Variants in CD68 observed in about 807,000 individuals in gnomAD.
The protein encoded by CD68 is macrosialin.
In CD68, 24 loss-of-function variants were observed where a neutral mutation model predicts 31.3. The ratio of observed to expected loss-of-function variants is 0.77; its 90% CI spans 0.55 to 1.08. The LOEUF is 1.08. Ranked by LOEUF, CD68 falls within the 50% of genes least tolerant of loss-of-function variation. The probability of loss-of-function intolerance (pLI) is 0.00; values close to 1 mark genes in which losing one functional copy is unlikely to be tolerated. For synonymous variants in CD68, 190 were observed against 179.6 expected, an observed-to-expected ratio of 1.06 and a Z score of -0.46; for missense variants, 461 against 442.5, an observed-to-expected ratio of 1.04 and a Z score of -0.38.
At chr17:7,579,756 G>GC in intron 1 of CD68, 30 bp downstream of exon 1, 1 of 1,601,634 alleles carries the variant, frequency 6.2e-7, no homozygotes, top group South Asian at 1.1e-5. Flanking sequence ...AGGGGAGGGG[G>GC]CCCCTGGGAG....
In CD68 at chr17:7,579,906, C is replaced by G. The variant is rs770479505; in HGVS notation, c.146C>G (p.Thr49Ser). 1.3e-5 allele frequency: 21 copies of G among 1,613,970 alleles called. No individual in the cohort carries two copies. Among genetic ancestry groups the G allele is most frequent in the Non-Finnish European group, 1.7e-5 (20 of 1,180,026 alleles). Residue 49 changes from threonine to serine, a missense_variant, in exon 2 of 6, where the codon ACC becomes AGC. By Grantham distance (58) the Thr-to-Ser change is moderately conservative (BLOSUM62 1). Transcript: ENST00000250092. ...TPTVTESTGT[T>S]SHRTTKSHKT... ...ACGGTTACAGAGAGCACTGGAACAA[C>G]CAGCCACAGGACTACCAAGAGCCAC...
In CD68 at chr17:7,580,700, T is replaced by C. The variant is rs1262291298; in HGVS notation, c.688-11T>C. The C allele has an allele frequency of 3.1e-6, 5 of 1,613,872 alleles. No homozygotes were observed. The African/African-American group carries it at 4.0e-5, about 13-fold the overall frequency. ...AGGGATACCACCTGCGCCTTCCTCTTCGCCCCACAGGACCTCCAGCAGAAG... is the reference window on the plus strand; with the variant it reads ...AGGGATACCACCTGCGCCTTCCTCTCCGCCCCACAGGACCTCCAGCAGAAG... On this transcript the variant is annotated splice_polypyrimidine_tract_variant and intron_variant, in intron 3 of 5. Transcript: ENST00000250092. This position sits in a 1 kb window ranked among gnomAD's most constrained non-coding sequence, Gnocchi z 4.3.
At position 7,581,499 on chromosome 17, in the gene CD68, C is replaced by G; in HGVS notation, c.1053C>G (p.Tyr351Ter). The G allele has an allele frequency of 6.2e-7, 1 of 1,614,222 alleles. No homozygotes were observed. Among genetic ancestry groups the G allele is most frequent in the African/African-American group, 1.3e-5 (1 of 75,062 alleles). ...TCATCCGGAGACGCCCATCCGCCTA[C>G]CAGGCCCTCTGAGCATTTGCTTCAA... Reference protein sequence around the residue: ...FCIIRRRPSAYQAL With the variant: ...FCIIRRRPSA The change falls in exon 6 of 6, where the codon TAC (tyrosine) becomes TAG (stop). Residue 351 changes from tyrosine (Y) to a stop codon, truncating the protein, a stop_gained. Transcript: ENST00000250092. LOFTEE classifies it high-confidence loss of function.
At position 7,580,228 on chromosome 17, in the gene CD68, C is replaced by T. The variant is rs375073767; in HGVS notation, c.468C>T (p.Thr156=). The T allele has an allele frequency of 2.5e-6, 4 of 1,613,894 alleles. No homozygotes were observed. Among genetic ancestry groups the T allele is most frequent in the East Asian group, 2.2e-5 (1 of 44,892 alleles). The change falls in exon 2 of 6, where the codon ACC becomes ACT. Residue 156 remains threonine, a synonymous_variant. Coordinates refer to ENST00000250092, the MANE Select transcript of CD68 (RefSeq NM_001251.3). The surrounding 1 kb of genome is among the most constrained non-coding windows in gnomAD (Gnocchi z 4.3). ...SPSPSPTSKE[T]IGDYTWTNGS... Reference sequence around the variant, plus strand: ...GTCCTAGCCCAACCTCCAAGGAGACCATTGGAGACTACACGTGGACCAATG... The same window carrying T: ...GTCCTAGCCCAACCTCCAAGGAGACTATTGGAGACTACACGTGGACCAATG...
rs749975503 is a variant in CD68, at chr17:7,580,985, C to T, written c.850C>T (p.Leu284Phe). 2 of 1,614,052 alleles carry T rather than the reference C, an allele frequency of 1.2e-6. No homozygotes were observed. The highest frequency in any genetic ancestry group is 1.7e-6 in the Non-Finnish European group (2 of 1,179,960). ...CAGTTGCAGCAACTCGAGCATCATT[C>T]TTTCACCAGCTGTCCACCTCGACCT... ...SFSCSNSSII[L>F]SPAVHLDLLS... The change falls in exon 5 of 6, where the codon CTT becomes TTT. Residue 284 changes from leucine to phenylalanine, a missense_variant. Coordinates refer to ENST00000250092, the MANE Select transcript of CD68 (RefSeq NM_001251.3). The surrounding 1 kb of genome is among the most constrained non-coding windows in gnomAD (Gnocchi z 4.3).
Position 7,580,351 on chromosome 17 carries a change from G to A in CD68, c.567+24G>A. The A allele has an allele frequency of 3.7e-6, 6 of 1,608,336 alleles. No individual in the cohort carries two copies. Among genetic ancestry groups the A allele is most frequent in the South Asian group, 3.3e-5 (3 of 90,774 alleles). On this transcript the variant is annotated intron_variant, in intron 2 of 5. Coordinates refer to ENST00000250092, the MANE Select transcript of CD68 (RefSeq NM_001251.3). The surrounding 1 kb of genome is among the most constrained non-coding windows in gnomAD (Gnocchi z 4.3). ...AGGTAAAGCTAAAACTGGGGGATGA[G>A]AGGGGAGGGAGGCAGGACTGGATAT...
chr17:7,580,978 C>T lies in CD68; in HGVS notation c.843C>T (p.Ser281=). The change falls in exon 5 of 6, where the codon AGC becomes AGT. Residue 281 remains serine (S), a synonymous_variant. Coordinates refer to ENST00000250092, the MANE Select transcript of CD68 (RefSeq NM_001251.3). This position sits in a 1 kb window ranked among gnomAD's most constrained non-coding sequence, Gnocchi z 4.3. The part of the protein sequence containing the change: ...LGQSFSCSNS[S]IILSPAVHLD... ...AGAGCTTCAGTTGCAGCAACTCGAG[C>T]ATCATTCTTTCACCAGCTGTCCACC... The T allele has an allele frequency of 1.2e-6, 2 of 1,614,030 alleles. No homozygotes were observed. The highest frequency in any genetic ancestry group is 8.5e-7 in the Non-Finnish European group (1 of 1,179,960).
At position 7,579,796 on chromosome 17, in the gene CD68, C is replaced by T. The variant is rs2071458702; in HGVS notation, c.50-14C>T. 6.2e-7 allele frequency: 1 copy of T among 1,609,888 alleles called. No individual in the cohort carries two copies. The highest frequency in any genetic ancestry group is 1.1e-5 in the South Asian group (1 of 90,672). ...CCTGCCCTGGGTTGCTAACCATCTC[C>T]TCTCTGCCAAAAGCCCAGGGGACAG... On this transcript the variant is annotated splice_polypyrimidine_tract_variant and intron_variant, in intron 1 of 5. Transcript: ENST00000250092.
chr17:7,579,745 G>A lies in CD68; in HGVS notation c.49+19G>A, dbSNP rs778473437. 1 of 1,603,368 alleles carries A rather than the reference G, an allele frequency of 6.2e-7. No homozygotes were observed. The highest frequency in any genetic ancestry group is 1.3e-5 in the African/African-American group (1 of 74,564). On this transcript the variant is annotated intron_variant, in intron 1 of 5. Transcript: ENST00000250092. Reference sequence around the variant, plus strand: ...CTGGCAGGTAAGGAGGAAGGAGGCTGAGGGGAGGGGGCCCCTGGGAGGGAG... The same window carrying A: ...CTGGCAGGTAAGGAGGAAGGAGGCTAAGGGGAGGGGGCCCCTGGGAGGGAG...
At position 7,580,059 on chromosome 17, in the gene CD68, C is replaced by G. The variant is rs1257439567; in HGVS notation, c.299C>G (p.Thr100Ser). ...CATCCAACAAGCAATAGCACTGCCA[C>G]CAGCCAGGGACCCTCAACTGCCACT... is the stretch of plus-strand genomic sequence containing the variant. ...TVHPTSNSTA[T>S]SQGPSTATHS... Residue 100 changes from threonine (T) to serine (S), a missense_variant, in exon 2 of 6, where the codon ACC (threonine) becomes AGC (serine). Physicochemically the swap from Thr to Ser is moderately conservative, Grantham distance 58. Coordinates refer to ENST00000250092, the MANE Select transcript of CD68 (RefSeq NM_001251.3). The surrounding 1 kb of genome is among the most constrained non-coding windows in gnomAD (Gnocchi z 4.3). 2 of 1,613,974 alleles carry G rather than the reference C, an allele frequency of 1.2e-6. No homozygotes were observed. The highest frequency in any genetic ancestry group is 2.2e-5 in the East Asian group (1 of 44,894).
In CD68 at chr17:7,581,373, G is replaced by A. The variant is rs372695114; in HGVS notation, c.932-5G>A. 3.2e-5 allele frequency: 51 copies of A among 1,613,708 alleles called. No homozygotes were observed. The highest frequency in any genetic ancestry group is 5.5e-5 in the South Asian group (5 of 91,062). On this transcript the variant is annotated splice_polypyrimidine_tract_variant and splice_region_variant and intron_variant, in intron 5 of 5. Transcript: ENST00000250092. ...AAATACCTACCTGCCCTATCCTTCC[G>A]CCAGGTTTCTCCTGCCCCAGTGACC...
chr17:7,581,815 C>G lies in CD68; in HGVS notation c.*304C>G, dbSNP rs1047561967. On this transcript the variant is annotated 3_prime_UTR_variant, in exon 6 of 6. Coordinates refer to ENST00000250092, the MANE Select transcript of CD68 (RefSeq NM_001251.3). ...AATCCCAGCTGGCCTGTAATCCCAG[C>G]TACTTGGGAGGCTGAGGCAGAACTG... The G allele has an allele frequency of 3.0e-6, 1 of 333,926 alleles. No individual in the cohort carries two copies. The highest frequency in any genetic ancestry group is 5.9e-6 in the Non-Finnish European group (1 of 170,736). 20.7% of individuals were successfully genotyped at this position (333,926 alleles called of 1,614,324 possible).
intron 5 of CD68, 152 bp downstream of exon 5, chr17:7,581,218 C>T: frequency 8.6e-7 from 1 of 1,164,388 alleles, no homozygotes; most frequent in Non-Finnish European, 1.3e-6. Flanking sequence ...TTTCCATCCT[C>T]TACAAGACTC....
At position 7,581,083 on chromosome 17, in the gene CD68, C is replaced by G; in HGVS notation, c.931+17C>G. 3 of 1,606,264 alleles carry G rather than the reference C, an allele frequency of 1.9e-6. No individual in the cohort carries two copies. The South Asian group carries it at 3.3e-5, about 18-fold the overall frequency. ...TTGGGCAAAGTAAGACCTACCTACT[C>G]CTTCCCTCCTAGAATCCTCCCACTG... On this transcript the variant is annotated intron_variant, in intron 5 of 5. Coordinates refer to ENST00000250092, the MANE Select transcript of CD68 (RefSeq NM_001251.3).
Position 7,580,589 on chromosome 17 carries a change from T to C in CD68, c.687+4T>C, listed in dbSNP as rs199622762. The C allele has an allele frequency of 1.2e-6, 2 of 1,613,978 alleles. No individual in the cohort carries two copies. The highest frequency in any genetic ancestry group is 1.7e-5 in the Admixed American group (1 of 59,996). ...CCTCAGCTTTGGATTCATGCAGGTA[T>C]AGCCATGACCTCAGTCTCACCCCTC... On this transcript the variant is annotated splice_donor_region_variant and intron_variant, in intron 3 of 5. Transcript: ENST00000250092. The surrounding 1 kb of genome is among the most constrained non-coding windows in gnomAD (Gnocchi z 4.3).
At position 7,580,659 on chromosome 17, in the gene CD68, T is replaced by TC; in HGVS notation, c.688-50dup. 6.2e-7 allele frequency: 1 copy of TC among 1,613,414 alleles called. No homozygotes were observed. Among genetic ancestry groups the TC allele is most frequent in the Non-Finnish European group, 8.5e-7 (1 of 1,179,554 alleles). On this transcript the variant is annotated intron_variant, in intron 3 of 5. Coordinates refer to ENST00000250092, the MANE Select transcript of CD68 (RefSeq NM_001251.3). The surrounding 1 kb of genome is among the most constrained non-coding windows in gnomAD (Gnocchi z 4.3). ...CTCCCCTCCCAATCCCACACGCTAC[T>TC]CCTTCCTCTGTGGAGAGGGATACCA...
In CD68 at chr17:7,579,963, G is replaced by A. The variant is rs1304940304; in HGVS notation, c.203G>A (p.Gly68Asp). Reference protein sequence around the residue: ...KTTTHRTTTTGTTSHGPTTAT... With the variant: ...KTTTHRTTTTDTTSHGPTTAT... Reference sequence around the variant, plus strand: ...ACCACTCACAGGACAACCACCACAGGCACCACCAGCCACGGACCCACGACT... The same window carrying A: ...ACCACTCACAGGACAACCACCACAGACACCACCAGCCACGGACCCACGACT... The change falls in exon 2 of 6, where the codon GGC becomes GAC. Residue 68 changes from glycine to aspartate, a missense_variant. Coordinates refer to ENST00000250092, the MANE Select transcript of CD68 (RefSeq NM_001251.3). The A allele has an allele frequency of 1.2e-6, 2 of 1,613,272 alleles. No individual in the cohort carries two copies. Among genetic ancestry groups the A allele is most frequent in the Admixed American group, 1.7e-5 (1 of 59,924 alleles).
rs577549055 is a variant in CD68 at position 7,580,165 on chromosome 17, C to T, written c.405C>T (p.Thr135=). 253 of 1,614,174 alleles carry T rather than the reference C, an allele frequency of 1.6e-4. 3 individuals carry two copies. In the South Asian group the frequency reaches 2.5e-3, roughly 16 times the overall value. Residue 135 remains threonine, a synonymous_variant, in exon 2 of 6, where the codon ACC becomes ACT. Coordinates refer to ENST00000250092, the MANE Select transcript of CD68 (RefSeq NM_001251.3). The surrounding 1 kb of genome is among the most constrained non-coding windows in gnomAD (Gnocchi z 4.3). ...SNSTATSPGF[T]SSAHPEPPPP... ...GCACTGCCACCAGCCCAGGATTCAC[C>T]AGTTCTGCCCACCCAGAACCACCTC...
Position 7,580,723 on chromosome 17 carries a change from A to C in CD68, c.700A>C (p.Lys234Gln). 1 of 1,613,882 alleles carries C rather than the reference A, an allele frequency of 6.2e-7. No homozygotes were observed. Among genetic ancestry groups the C allele is most frequent in the Non-Finnish European group, 8.5e-7 (1 of 1,179,978 alleles). The change falls in exon 4 of 6, where the codon AAG becomes CAG. Residue 234 changes from lysine to glutamine, a missense_variant. Coordinates refer to ENST00000250092, the MANE Select transcript of CD68 (RefSeq NM_001251.3). The surrounding 1 kb of genome is among the most constrained non-coding windows in gnomAD (Gnocchi z 4.3). The stretch of plus-strand genomic sequence containing the variant: ...CTTCGCCCCACAGGACCTCCAGCAG[A>C]AGGTTGTCTACCTGAGCTACATGGC... ...SFGFMQDLQQ[K>Q]VVYLSYMAVE...
Sources: gnomAD v4.1 joint callset for allele counts on GRCh38, gnomAD v4.1.1 for gene constraint, Gnocchi (gnomAD v3.1) non-coding constraint, MANE v1.5 for transcripts, NCBI Gene and HGNC (gene_info 2026-07-23, HGNC 2026-07-21) for gene names.